Variants in HDAC9 observed in about 807,000 individuals in gnomAD.
The protein encoded by HDAC9 is histone deacetylase 9, also known as MEF-2 interacting transcription repressor (MITR) protein.
In HDAC9, 41 loss-of-function variants were observed where a neutral mutation model predicts 139.4. The observed-to-expected ratio is 0.29, with a 90% CI of 0.23 to 0.38. HDAC9 has a LOEUF of 0.38. HDAC9 is among the 10% of genes least tolerant of loss of function. The pLI is 1.00. For missense variants in HDAC9, 1,147 were observed against 1,297.0 expected (o/e 0.88, Z 1.78); for synonymous variants, 517 against 476.2 (o/e 1.09, Z -1.12).
At chr7:18,188,327 A>G (rs1490296477) in intron 2 of HDAC9, among the ~76,000 whole-genome samples, 3 of 151,704 alleles carry the variant, frequency 2.0e-5, no homozygotes, top group Admixed American at 2.0e-4. Flanking sequence ...CCCCTTCCTT[A>G]CACCTTATAC....
rs1401663809 is a variant in HDAC9 at position 18,998,521 on chromosome 7, C to T, written c.*2459C>T. ...TATCCACAGCATGTAGTTGTAAGAA[C>T]AGAATGCCATTGCTTTTTGATTATA... is the stretch of plus-strand genomic sequence containing the variant. On this transcript the variant is annotated 3_prime_UTR_variant, in exon 26 of 26. Transcript: ENST00000686413. 1 of 152,202 alleles carries T rather than the reference C, an allele frequency of 6.6e-6. No homozygotes were observed. The highest frequency in any genetic ancestry group is 1.5e-5 in the Non-Finnish European group (1 of 68,046). The allele number at this position is 152,202 out of a possible 1,614,324, so 9.4% of individuals were successfully genotyped here. A position where few individuals can be genotyped will look rare whatever the true frequency, so the allele number is the denominator to read the frequency against.
At chr7:18,709,831 C>T (rs565947938) in intron 12 of HDAC9, among the ~76,000 whole-genome samples, 9 of 152,216 alleles carry the variant, frequency 5.9e-5, no homozygotes, top group Non-Finnish European at 2.9e-5. Context: ...GCCATGACAC[C>T]CAGCCTTGCC....
intron 1 of HDAC9, among the ~76,000 whole-genome samples, chr7:18,356,633 C>G (rs1419803494): frequency 6.6e-6 from 1 of 151,988 alleles, no homozygotes; most frequent in Non-Finnish European, 1.5e-5. Context: ...CTTTCACAAC[C>G]TTTTTCCTTT....
rs536239870 is a variant in HDAC9 at position 18,516,440 on chromosome 7, G to T, written c.22+20116G>T. Among the ~76,000 whole-genome samples, 4 of 152,152 alleles carry T rather than the reference G, an allele frequency of 2.6e-5. No individual in the cohort carries two copies. The East Asian group carries it at 7.7e-4, about 29-fold the overall frequency. ...CCAGGAAGGAGGATGTCACCTTACC[G>T]CCCTAGTCAATATCCTATTTACTTA... On this transcript the variant is annotated intron_variant, in intron 2 of 25. Coordinates refer to ENST00000686413, the MANE Select transcript of HDAC9 (RefSeq NM_178425.4).
At chr7:18,533,218 C>G (rs2128240164) in intron 2 of HDAC9, among the ~76,000 whole-genome samples, 1 of 152,184 alleles carries the variant, frequency 6.6e-6, no homozygotes, top group East Asian at 1.9e-4. Context: ...TAAATATTTT[C>G]CACACCTGCA....
At chr7:18,935,770 G>T in intron 22 of HDAC9, 39 bp from the exon 23 acceptor site, 1 of 1,588,462 alleles carries the variant, frequency 6.3e-7, no homozygotes, top group Non-Finnish European at 8.6e-7. Context: ...ACTTTCTCTT[G>T]ATTTAATACT....
rs188626093 is a variant in HDAC9, at chr7:18,936,506, A to C, written c.2937+564A>C. On this transcript the variant is annotated intron_variant, in intron 23 of 25. Coordinates refer to ENST00000686413, the MANE Select transcript of HDAC9 (RefSeq NM_178425.4). ...ACCATTATATTTTCTTTCACATCAC[A>C]TGGCTACATTGCAACATACTTTCTG... 3.3e-5 allele frequency among the ~76,000 whole-genome samples: 5 copies of C among 152,294 alleles called. No homozygotes were observed. The South Asian group carries it at 1.0e-3, about 32-fold the overall frequency.
intron 2 of HDAC9, among the ~76,000 whole-genome samples, chr7:18,285,048 A>G (rs1322528362): frequency 6.6e-6 from 1 of 152,152 alleles, no homozygotes; most frequent in Non-Finnish European, 1.5e-5. Context: ...AAACCAAAGT[A>G]AAATGAACTA....
At chr7:18,973,898 T>A (rs1215401864) in intron 24 of HDAC9, among the ~76,000 whole-genome samples, 1 of 152,142 alleles carries the variant, frequency 6.6e-6, no homozygotes, top group African/African-American at 2.4e-5. Context: ...CCATAATCTC[T>A]CCAAAGGGAT....
chr7:18,758,729 C>G (rs547924087), intron 14 of HDAC9, among the ~76,000 whole-genome samples: 20 of 152,094 alleles, frequency 1.3e-4, no homozygotes, highest in African/African-American at 4.8e-4. Flanking sequence ...CTAGCAGTGT[C>G]TCTGTGAGAT....
intron 23 of HDAC9, among the ~76,000 whole-genome samples, chr7:18,939,876 C>T (rs1034119673): frequency 2.0e-5 from 3 of 152,132 alleles, no homozygotes; most frequent in South Asian, 2.1e-4. Flanking sequence ...TGGCAGAACC[C>T]GCTTTAGTTT....
upstream of HDAC9, among the ~76,000 whole-genome samples, chr7:18,493,866 C>A (rs895829590): frequency 1.3e-5 from 2 of 151,750 alleles, no homozygotes; most frequent in African/African-American, 4.8e-5. Context: ...CACGGAGAAC[C>A]TTTTTTGAGG....
At chr7:18,107,220 A>G (rs1343930795) in intron 1 of HDAC9, among the ~76,000 whole-genome samples, 1 of 152,126 alleles carries the variant, frequency 6.6e-6, no homozygotes, top group Non-Finnish European at 1.5e-5. Flanking sequence ...GCTACCCTAA[A>G]TGGTAAATAT....
intron 12 of HDAC9, among the ~76,000 whole-genome samples, chr7:18,724,456 A>T (rs1490258124): frequency 2.0e-5 from 3 of 152,186 alleles, no homozygotes; most frequent in Non-Finnish European, 2.9e-5. Flanking sequence ...ATATACCTGG[A>T]TAAGGCACTT....
chr7:18,965,869 G>T (rs966161141), intron 24 of HDAC9, among the ~76,000 whole-genome samples: 1 of 152,170 alleles, frequency 6.6e-6, no homozygotes, highest in East Asian at 1.9e-4. Flanking sequence ...GAGGTTGTGT[G>T]CACTCAATTA....
intron 2 of HDAC9, among the ~76,000 whole-genome samples, chr7:18,278,474 C>T (rs914964870): frequency 1.6e-4 from 24 of 152,260 alleles, no homozygotes; most frequent in African/African-American, 5.8e-4. Context: ...CTGTATTGTG[C>T]TGTTGCCACA....
intron 1 of HDAC9, among the ~76,000 whole-genome samples, chr7:18,452,276 A>G (rs1563002403): frequency 6.6e-6 from 1 of 152,152 alleles, no homozygotes; most frequent in Non-Finnish European, 1.5e-5. Flanking sequence ...AATGTGGCCC[A>G]AGGATAACAT....
chr7:18,970,417 T>C (rs962213637), intron 24 of HDAC9, among the ~76,000 whole-genome samples: 2 of 152,222 alleles, frequency 1.3e-5, no homozygotes, highest in Non-Finnish European at 2.9e-5. Context: ...AATAGGACTA[T>C]TTTATAGGCC....
chr7:18,241,059 G>A (rs1794156149), intron 2 of HDAC9, among the ~76,000 whole-genome samples: 1 of 152,136 alleles, frequency 6.6e-6, no homozygotes, highest in African/African-American at 2.4e-5. Context: ...TAGGGGATTA[G>A]GGCTTCCCAG....
Sources: allele counts gnomAD v4.1 joint callset (sites outside exome capture counted in the v4.1 genomes callset), GRCh38; gene constraint gnomAD v4.1.1; transcripts MANE v1.5; gene names NCBI Gene and HGNC (gene_info 2026-07-23, HGNC 2026-07-21).